CCDC3: variants seen among roughly 807,000 people sequenced by gnomAD.
The protein encoded by CCDC3 is coiled-coil domain-containing protein 3.
A neutral mutation model predicts 21.4 loss-of-function variants in CCDC3; 24 were observed. The ratio of observed to expected loss-of-function variants is 1.12; its 90% CI spans 0.81 to 1.58. The LOEUF (loss-of-function observed/expected upper bound fraction) is 1.58, where lower values mean the gene tolerates loss of function less well. Ranked by LOEUF, CCDC3 falls within the 40% of genes most tolerant of loss-of-function variation. The probability of loss-of-function intolerance (pLI) is 0.00; values close to 1 mark genes in which losing one functional copy is unlikely to be tolerated. For synonymous variants in CCDC3, 186 were observed against 166.0 expected, an observed-to-expected ratio of 1.12 and a Z score of -0.93; for missense variants, 425 against 360.9, an observed-to-expected ratio of 1.18 and a Z score of -1.44.
intron 2 of CCDC3, among the ~76,000 whole-genome samples, chr10:12,932,992 A>C (rs1296584999): frequency 6.6e-6 from 1 of 152,234 alleles, no homozygotes; most frequent in Admixed American, 6.5e-5. Flanking sequence ...CCAGCTTTGC[A>C]TACCCAGTTT....
intron 2 of CCDC3, among the ~76,000 whole-genome samples, chr10:12,908,214 G>A (rs1834205143): frequency 6.6e-6 from 1 of 152,294 alleles, no homozygotes; most frequent in South Asian, 2.1e-4. Context: ...TGTTTACGTG[G>A]GGACCAAAAG....
At chr10:12,919,879 C>T (rs537493105) in intron 2 of CCDC3, among the ~76,000 whole-genome samples, 14 of 152,120 alleles carry the variant, frequency 9.2e-5, no homozygotes, top group Non-Finnish European at 1.9e-4. Flanking sequence ...AAGCTATGCT[C>T]AGGAAAGAGA....
intron 5 of CCDC3, among the ~76,000 whole-genome samples, chr10:13,045,867 G>T (rs1836518830): frequency 6.6e-6 from 1 of 151,826 alleles, no homozygotes; most frequent in African/African-American, 2.4e-5. Context: ...GAGATGGGGG[G>T]ATCATGAGGT....
At chr10:12,920,095 T>C (rs1299380461) in intron 2 of CCDC3, among the ~76,000 whole-genome samples, 1 of 152,094 alleles carries the variant, frequency 6.6e-6, no homozygotes, top group East Asian at 1.9e-4. Flanking sequence ...TACCCAAGAC[T>C]GGGTAATTTA....
In CCDC3 at chr10:12,921,379, C is replaced by T. The variant is rs147094716; in HGVS notation, c.550-22700G>A. Among the ~76,000 whole-genome samples, 354 of 152,274 alleles carry T rather than the reference C, an allele frequency of 2.3e-3. 4 individuals carry two copies. The highest frequency in any genetic ancestry group is 8.2e-3 in the African/African-American group (341 of 41,546). ...TGTGTACGTCTGTGGGGAAGGTCAG[C>T]CCGGGGCCCAGAGCTGGCCTGTGCA... On this transcript the variant is annotated intron_variant, in intron 2 of 2. Transcript: ENST00000378825.
At position 12,951,804 on chromosome 10, in the gene CCDC3, C is replaced by CAAAAAAAAAAAAAAAAA. The variant is rs71924811; in HGVS notation, c.549+46517_549+46533dup. 7.1e-4 allele frequency among the ~76,000 whole-genome samples: 43 copies of CAAAAAAAAAAAAAAAAA among 60,490 alleles called. 1 individual carries two copies. The highest frequency in any genetic ancestry group is 3.4e-3 in the African/African-American group (43 of 12,770). The allele number at this position is 60,490 out of a possible 152,430, so 39.7% of individuals were successfully genotyped here. On this transcript the variant is annotated intron_variant, in intron 2 of 2. Transcript: ENST00000378825. ...TGGACAACAGAGTGAGACTTCATCT[C>CAAAAAAAAAAAAAAAAA]AAAAAAAAAAAAAAAAAAAAAAAGT...
chr10:12,987,516 A>C (rs1413522519), intron 2 of CCDC3, among the ~76,000 whole-genome samples: 1 of 152,186 alleles, frequency 6.6e-6, no homozygotes, highest in Non-Finnish European at 1.5e-5. Flanking sequence ...TTTTCAGATA[A>C]AGCAACTAAC....
chr10:12,972,239 TCAC>T (rs1424685389), intron 2 of CCDC3, among the ~76,000 whole-genome samples: 1 of 152,152 alleles, frequency 6.6e-6, no homozygotes, highest in Admixed American at 6.6e-5. Context: ...CTTCATGTTT[TCAC>T]CACATTTACA....
chr10:12,972,078 C>T (rs1404478810), intron 2 of CCDC3, among the ~76,000 whole-genome samples: 1 of 152,138 alleles, frequency 6.6e-6, no homozygotes. Context: ...GGAGCCTGGA[C>T]TTCTCTCCAC....
In CCDC3 at chr10:13,046,677, C is replaced by G. The variant is rs825425; in HGVS notation, c.-2+2997G>C. Among the ~76,000 whole-genome samples the G allele has an allele frequency of 4.9e-3, 735 of 148,576 alleles. 11 individuals are homozygous for G. Among genetic ancestry groups the G allele is most frequent in the African/African-American group, 0.017 (700 of 40,324 alleles). On this transcript the variant is annotated intron_variant, in intron 5 of 6. Coordinates refer to the CCDC3 transcript ENST00000378839. ...AGCTGAGACCGGGCCATTGCACTCC[C>G]GCCTGGGCAACAAGAGCGAAACTCC...
intron 5 of CCDC3, among the ~76,000 whole-genome samples, chr10:13,033,719 C>A (rs746087927): frequency 6.6e-6 from 1 of 152,214 alleles, no homozygotes; most frequent in African/African-American, 2.4e-5. Flanking sequence ...GACATTTATG[C>A]AGGCAACACA....
intron 2 of CCDC3, among the ~76,000 whole-genome samples, chr10:12,931,097 G>C (rs920086035): frequency 2.0e-5 from 3 of 150,710 alleles, no homozygotes; most frequent in African/African-American, 7.3e-5. Flanking sequence ...TGTAATCCCA[G>C]CTACCTGGGA....
intron 2 of CCDC3, among the ~76,000 whole-genome samples, chr10:12,944,985 T>C (rs1271316277): frequency 6.6e-6 from 1 of 152,202 alleles, no homozygotes; most frequent in Admixed American, 6.6e-5. Flanking sequence ...AATTTCATTC[T>C]CAGGCCTAGC....
intron 2 of CCDC3, among the ~76,000 whole-genome samples, chr10:12,929,051 C>T (rs1272644033): frequency 6.6e-6 from 1 of 152,038 alleles, no homozygotes; most frequent in East Asian, 1.9e-4. Flanking sequence ...ATCATGAGGT[C>T]AGGAGTTCAA....
At chr10:12,982,663 A>G (rs1227298753) in intron 2 of CCDC3, among the ~76,000 whole-genome samples, 2 of 151,010 alleles carry the variant, frequency 1.3e-5, no homozygotes, top group African/African-American at 4.9e-5. Flanking sequence ...GTGTGGTGGC[A>G]TGCACCTGTA....
At chr10:12,986,540 C>T (rs1835593925) in intron 2 of CCDC3, among the ~76,000 whole-genome samples, 1 of 152,054 alleles carries the variant, frequency 6.6e-6, no homozygotes, top group Non-Finnish European at 1.5e-5. Context: ...TTTGGGAGGC[C>T]AAGGCGGGCG....
intron 4 of CCDC3, among the ~76,000 whole-genome samples, chr10:13,060,829 GA>G (rs1221032303): frequency 6.6e-6 from 1 of 151,740 alleles, no homozygotes; most frequent in Non-Finnish European, 1.5e-5. Flanking sequence ...TCTAAAGGCT[GA>G]AAAAAAGGGG....
chr10:12,904,263 T>C (rs1412813384), intron 2 of CCDC3, among the ~76,000 whole-genome samples: 1 of 151,794 alleles, frequency 6.6e-6, no homozygotes, highest in Non-Finnish European at 1.5e-5. Context: ...GCCTAGGAGT[T>C]TGAGACCAGC....
At chr10:13,005,773 C>A (rs78154279), upstream of CCDC3, among the ~76,000 whole-genome samples, 421 of 152,316 alleles carry the variant, frequency 2.8e-3, 3 homozygotes, top group African/African-American at 9.9e-3. Flanking sequence ...GAACTTGCTG[C>A]AGAGACTTCT....
Sources: gnomAD v4.1 joint callset for allele counts (sites outside exome capture counted in the v4.1 genomes callset) on GRCh38, gnomAD v4.1.1 for gene constraint, MANE v1.5 for transcripts, NCBI Gene and HGNC (gene_info 2026-07-23, HGNC 2026-07-21) for gene names.